Variants in ANK2 observed in about 807,000 individuals in gnomAD.
ANK2 encodes the protein ankyrin 2.
ANK2 carries 83 observed loss-of-function variants against 360.5 expected under a neutral mutation model. That is an observed-to-expected ratio of 0.23 (90% CI 0.19 to 0.28). The LOEUF (loss-of-function observed/expected upper bound fraction) is 0.28, where lower values mean the gene tolerates loss of function less well. Among genes scored for constraint, ANK2 ranks in the 10% least tolerant of loss-of-function variants. The probability of loss-of-function intolerance (pLI) is 1.00; values close to 1 mark genes in which losing one functional copy is unlikely to be tolerated. For missense variants in ANK2, 4,201 were observed against 4,795.7 expected (o/e 0.88, Z 3.66); for synonymous variants, 1,740 against 1,759.5 (o/e 0.99, Z 0.28).
At chr4:113,345,079 A>G (rs994747139) in intron 34 of ANK2, among the ~76,000 whole-genome samples, 9 of 152,336 alleles carry the variant, frequency 5.9e-5, no homozygotes, top group African/African-American at 2.2e-4. Flanking sequence ...TTAAAATGAT[A>G]CGTTTTATGT....
chr4:112,785,398 G>A, the ANK2 span, among the ~76,000 whole-genome samples: 2 of 151,174 alleles, frequency 1.3e-5, no homozygotes, highest in Admixed American at 1.3e-4. Context: ...TTTTGAGACG[G>A]AGTCTTGCTC....
chr4:113,031,829 C>T (rs115868656), intron 2 of ANK2, among the ~76,000 whole-genome samples: 1,672 of 152,116 alleles, frequency 0.011, 33 homozygotes, highest in African/African-American at 0.037. Flanking sequence ...TTCTTAATAT[C>T]AAATGCAAGG....
chr4:112,927,148 T>C (rs1239739859), intron 2 of ANK2, among the ~76,000 whole-genome samples: 3 of 152,186 alleles, frequency 2.0e-5, no homozygotes, highest in Non-Finnish European at 4.4e-5. Flanking sequence ...ACCTTTGACC[T>C]GTGGGGATTA....
At chr4:112,733,152 G>A in the ANK2 span, among the ~76,000 whole-genome samples, 1 of 152,068 alleles carries the variant, frequency 6.6e-6, no homozygotes, top group African/African-American at 2.4e-5. Context: ...GCAGGTGGAG[G>A]TTGCAGTGAG....
chr4:113,293,954 G>A (rs2069462010), intron 22 of ANK2, among the ~76,000 whole-genome samples: 1 of 152,154 alleles, frequency 6.6e-6, no homozygotes, highest in South Asian at 2.1e-4. Flanking sequence ...TCCCAACACT[G>A]TGCTCATGAC....
At chr4:112,999,428 G>C (rs914561904) in intron 2 of ANK2, among the ~76,000 whole-genome samples, 1 of 152,106 alleles carries the variant, frequency 6.6e-6, no homozygotes, top group Non-Finnish European at 1.5e-5. Context: ...ATCACTTACT[G>C]ATGATTCCCA....
chr4:113,025,282 C>T (rs929584562), intron 2 of ANK2, among the ~76,000 whole-genome samples: 1 of 152,110 alleles, frequency 6.6e-6, no homozygotes, highest in Non-Finnish European at 1.5e-5. Flanking sequence ...ATACACGATG[C>T]CCCTCACCCC....
intron 3 of ANK2, among the ~76,000 whole-genome samples, chr4:113,198,344 T>A (rs2153400796): frequency 6.6e-6 from 1 of 152,214 alleles, no homozygotes; most frequent in South Asian, 2.1e-4. Context: ...TTTCTGGTTT[T>A]TTTTTCTTTT....
intron 10 of ANK2, among the ~76,000 whole-genome samples, chr4:113,252,215 A>T (rs1262001782): frequency 6.6e-6 from 1 of 152,204 alleles, no homozygotes; most frequent in Admixed American, 6.5e-5. Flanking sequence ...AGATCTTGTG[A>T]GACTTATTCA....
chr4:112,975,212 G>A (rs542062321), intron 2 of ANK2, among the ~76,000 whole-genome samples: 157 of 152,178 alleles, frequency 1.0e-3, no homozygotes, highest in African/African-American at 3.6e-3. Flanking sequence ...TTTAGCTACC[G>A]GTAAACTATG....
At chr4:112,708,696 G>A in the ANK2 span, among the ~76,000 whole-genome samples, 1 of 152,090 alleles carries the variant, frequency 6.6e-6, no homozygotes, top group East Asian at 1.9e-4. Context: ...ATTACTTATA[G>A]GGTCCTTTCC....
chr4:113,221,742 TAAG>T (rs1167186582), intron 4 of ANK2, among the ~76,000 whole-genome samples: 1 of 152,136 alleles, frequency 6.6e-6, no homozygotes. Context: ...AAATAGATTT[TAAG>T]AAGATTAATT....
intron 45 of ANK2, among the ~76,000 whole-genome samples, chr4:113,380,169 T>C (rs1217337158): frequency 4.6e-5 from 7 of 152,128 alleles, no homozygotes. Flanking sequence ...CATTTGGAAG[T>C]GTATAGTGAA....
intron 36 of ANK2, 63 bp downstream of exon 36, chr4:113,348,371 A>C (rs2095118314): frequency 1.3e-6 from 2 of 1,549,216 alleles, no homozygotes; most frequent in Non-Finnish European, 1.8e-6. Context: ...TAATAAGAGC[A>C]CATAGTTAAC....
intron 4 of ANK2, among the ~76,000 whole-genome samples, chr4:113,227,332 G>A (rs1481362527): frequency 6.6e-6 from 1 of 152,164 alleles, no homozygotes; most frequent in African/African-American, 2.4e-5. Context: ...GGGTACTGCA[G>A]GAGCTGATTG....
At chr4:112,993,793 G>A (rs556113048) in intron 2 of ANK2, among the ~76,000 whole-genome samples, 16 of 151,832 alleles carry the variant, frequency 1.1e-4, no homozygotes, top group South Asian at 8.3e-4. Context: ...TGCAACCTCC[G>A]TCACCTGGGT....
intron 2 of ANK2, among the ~76,000 whole-genome samples, chr4:113,014,848 CTTTTTTTTTTT>C (rs530387481): frequency 1.4e-5 from 1 of 70,288 alleles, no homozygotes; most frequent in African/African-American, 5.8e-5. Context: ...GATCATAGAG[CTTTTTTTTTTT>C]TTTTTTTTTT....
At chr4:113,335,813 A>G (rs1375843572) in intron 29 of ANK2, 33 bp from the exon 30 acceptor site, 8 of 1,587,894 alleles carry the variant, frequency 5.0e-6, no homozygotes, top group Non-Finnish European at 6.9e-6. Context: ...AATCTTTGCT[A>G]TGTGAATGAA....
At chr4:112,943,848 T>C (rs1377626292) in intron 2 of ANK2, among the ~76,000 whole-genome samples, 1 of 152,116 alleles carries the variant, frequency 6.6e-6, no homozygotes, top group Non-Finnish European at 1.5e-5. Flanking sequence ...AGAATATAAT[T>C]TAGTTTATCT....
Sources: gnomAD v4.1 joint callset for allele counts (sites outside exome capture counted in the v4.1 genomes callset) on GRCh38, gnomAD v4.1.1 for gene constraint, MANE v1.5 for transcripts, NCBI Gene and HGNC (gene_info 2026-07-23, HGNC 2026-07-21) for gene names.